The following TBC1D8 variants were observed in gnomAD, a reference collection of about 807,000 sequenced individuals.
TBC1D8 encodes the protein BUB2-like protein 1.
In TBC1D8, 65 loss-of-function variants were observed where a neutral mutation model predicts 118.8. The observed-to-expected ratio is 0.55, with a 90% confidence interval of 0.45 to 0.67. The LOEUF is 0.67. Ranked by LOEUF, TBC1D8 falls within the 30% of genes least tolerant of loss-of-function variation. The pLI is 0.00. For missense variants in TBC1D8, 1,376 were observed against 1,471.2 expected (o/e 0.94, Z 1.06); for synonymous variants, 566 against 595.8 (o/e 0.95, Z 0.73).
intron 2 of TBC1D8, among the ~76,000 whole-genome samples, chr2:101,079,680 G>GTT (rs35466679): frequency 0.081 from 6,616 of 81,612 alleles, 467 homozygotes; most frequent in Non-Finnish European, 0.1. Context: ...GTCCAGTCTG[G>GTT]TTTTTTTTTT....
chr2:101,140,303 GACTA>G (rs1354585678), intron 1 of TBC1D8, among the ~76,000 whole-genome samples: 1 of 152,138 alleles, frequency 6.6e-6, no homozygotes, highest in Non-Finnish European at 1.5e-5. Context: ...AAAAGTACCT[GACTA>G]AATTAGATTT....
intron 18 of TBC1D8, 96 bp downstream of exon 18, chr2:101,011,355 C>A: frequency 8.1e-7 from 1 of 1,228,230 alleles, no homozygotes; most frequent in South Asian, 1.2e-5. Context: ...AGGGAAAAGA[C>A]AAGGCTGCTA....
chr2:101,108,217 T>C (rs1213689063), intron 1 of TBC1D8, among the ~76,000 whole-genome samples: 2 of 151,868 alleles, frequency 1.3e-5, no homozygotes, highest in African/African-American at 2.4e-5. Flanking sequence ...ATCGGATAAA[T>C]CCCAACTGAG....
chr2:101,149,587 C>T (rs541717697), intron 1 of TBC1D8, among the ~76,000 whole-genome samples: 1 of 152,300 alleles, frequency 6.6e-6, no homozygotes, highest in South Asian at 2.1e-4. Context: ...CAGGCCTTGT[C>T]CTCACTCTCT....
chr2:101,013,710 CT>C (rs1679406397), intron 17 of TBC1D8, among the ~76,000 whole-genome samples: 1 of 152,214 alleles, frequency 6.6e-6, no homozygotes, highest in East Asian at 1.9e-4. Context: ...ATCTTCCTCA[CT>C]TTCTAAATGG....
At chr2:101,135,150 C>A (rs373147126) in intron 1 of TBC1D8, among the ~76,000 whole-genome samples, 1 of 151,690 alleles carries the variant, frequency 6.6e-6, no homozygotes, top group African/African-American at 2.4e-5. Context: ...CCAGCCTGGG[C>A]GACAGAGCGA....
At chr2:101,083,560 T>C (rs921826383) in intron 2 of TBC1D8, among the ~76,000 whole-genome samples, 1 of 152,208 alleles carries the variant, frequency 6.6e-6, no homozygotes, top group African/African-American at 2.4e-5. Context: ...CAGTCAGCCA[T>C]AGGTATCTTC....
At chr2:101,118,902 T>C (rs1383077295) in intron 1 of TBC1D8, among the ~76,000 whole-genome samples, 1 of 151,938 alleles carries the variant, frequency 6.6e-6, no homozygotes, top group Non-Finnish European at 1.5e-5. Flanking sequence ...TCCCAGCTAC[T>C]TGGGAGGCTG....
intron 1 of TBC1D8, among the ~76,000 whole-genome samples, chr2:101,117,802 C>T (rs977294426): frequency 2.6e-5 from 4 of 151,472 alleles, no homozygotes; most frequent in Admixed American, 1.3e-4. Flanking sequence ...GTCTCGATCT[C>T]CTGATCTTGT....
chr2:101,103,272 T>C (rs988178806), intron 1 of TBC1D8, among the ~76,000 whole-genome samples: 13 of 149,204 alleles, frequency 8.7e-5, no homozygotes, highest in South Asian at 2.1e-4. Flanking sequence ...ATCACATCAA[T>C]TGATACACAA....
At chr2:101,133,869 T>G (rs112947798) in intron 1 of TBC1D8, among the ~76,000 whole-genome samples, 17 of 152,228 alleles carry the variant, frequency 1.1e-4, no homozygotes, top group African/African-American at 3.9e-4. Flanking sequence ...GGTGGAAGGC[T>G]AAGGGGAAGC....
chr2:101,062,803 G>C (rs920339084), intron 2 of TBC1D8, among the ~76,000 whole-genome samples: 2 of 152,080 alleles, frequency 1.3e-5, no homozygotes, highest in Non-Finnish European at 2.9e-5. Flanking sequence ...CACCACGCCT[G>C]GCTAACTTTT....
At chr2:101,112,190 T>G (rs1574054537) in intron 1 of TBC1D8, among the ~76,000 whole-genome samples, 1 of 152,146 alleles carries the variant, frequency 6.6e-6, no homozygotes. Flanking sequence ...AGCAGGGTGA[T>G]ATCATGCTCA....
At chr2:101,010,753 A>G (rs1316036502) in intron 19 of TBC1D8, among the ~76,000 whole-genome samples, 176 bp downstream of exon 19, 1 of 152,012 alleles carries the variant, frequency 6.6e-6, no homozygotes, top group Non-Finnish European at 1.5e-5. Context: ...GTGGTTGCAC[A>G]CGCCTGTAAT....
intron 2 of TBC1D8, among the ~76,000 whole-genome samples, chr2:101,065,406 T>C (rs538870313): frequency 2.6e-5 from 4 of 152,270 alleles, no homozygotes; most frequent in African/African-American, 7.2e-5. Context: ...TTCCCAAATC[T>C]CACTCAACAC....
rs768825686 is a variant in TBC1D8, at chr2:101,038,520, A to G, written c.1216T>C (p.Leu406=). The change falls in exon 7 of 20, where the codon TTG becomes CTG. Residue 406 remains leucine (L), a synonymous_variant. Coordinates refer to ENST00000409318, the MANE Select transcript of TBC1D8 (RefSeq NM_001330348.2). ...GGGTGGTTGGCGTGGACCTGCTTCA[A>G]CCTCGCAAGCAGCGCCTCCACCAGG... The part of the protein sequence containing the change: ...DSLVEALLAR[L]KQVHANHPVH... 3.7e-6 allele frequency: 6 copies of G among 1,613,520 alleles called. No homozygotes were observed. The East Asian group carries it at 1.3e-4, about 36-fold the overall frequency.
intron 17 of TBC1D8, chr2:101,018,031 C>T: frequency 8.4e-7 from 1 of 1,190,438 alleles, no homozygotes; most frequent in Non-Finnish European, 1.2e-6. Flanking sequence ...TTCTACATAT[C>T]AACCCCTTTT....
intron 1 of TBC1D8, among the ~76,000 whole-genome samples, chr2:101,119,573 C>T (rs1678009286): frequency 6.6e-6 from 1 of 152,140 alleles, no homozygotes; most frequent in African/African-American, 2.4e-5. Context: ...CGGCCTGGGC[C>T]CCACTCCAGA....
chr2:101,108,398 T>C (rs1006737467), intron 1 of TBC1D8, among the ~76,000 whole-genome samples: 2 of 152,146 alleles, frequency 1.3e-5, no homozygotes, highest in Non-Finnish European at 2.9e-5. Context: ...ACCTGGACTC[T>C]GGGTAATAAT....
Sources: gnomAD v4.1 joint callset for allele counts (sites outside exome capture counted in the v4.1 genomes callset) on GRCh38, gnomAD v4.1.1 for gene constraint, MANE v1.5 for transcripts, NCBI Gene and HGNC (gene_info 2026-07-23, HGNC 2026-07-21) for gene names.